The following ECHDC3 variants were observed in gnomAD, a reference collection of about 807,000 sequenced individuals.
The protein encoded by ECHDC3 is enoyl-CoA hydratase domain containing 3, also known as enoyl-CoA hydratase domain-containing protein 3, mitochondrial.
In ECHDC3, 20 loss-of-function variants were observed where a neutral mutation model predicts 17.9. That is an observed-to-expected ratio of 1.12 (90% confidence interval 0.79 to 1.63). The LOEUF (loss-of-function observed/expected upper bound fraction) is 1.63. Ranked by LOEUF, ECHDC3 falls within the 40% of genes most tolerant of loss-of-function variation. The probability of loss-of-function intolerance (pLI) is 0.00; values close to 1 mark genes in which losing one functional copy is unlikely to be tolerated. For synonymous variants in ECHDC3, 177 were observed against 149.7 expected, an observed-to-expected ratio of 1.18 and a Z score of -1.33; for missense variants, 407 against 357.7, an observed-to-expected ratio of 1.14 and a Z score of -1.11.
At chr10:11,758,102 C>T (rs1461444853) in intron 4 of ECHDC3, among the ~76,000 whole-genome samples, 1 of 152,152 alleles carries the variant, frequency 6.6e-6, no homozygotes, top group Non-Finnish European at 1.5e-5. Flanking sequence ...TCACTAGTGC[C>T]CTCTCCTGGC....
chr10:11,757,415 A>G (rs1161778791), intron 4 of ECHDC3, among the ~76,000 whole-genome samples: 1 of 152,222 alleles, frequency 6.6e-6, no homozygotes, highest in Non-Finnish European at 1.5e-5. Context: ...TTAAGTTCCA[A>G]GGAAGCCCAG....
rs554058401 is a variant in ECHDC3, at chr10:11,748,715, AT to A, written c.293-779del. On this transcript the variant is annotated intron_variant, in intron 2 of 4. Coordinates refer to ENST00000379215, the MANE Select transcript of ECHDC3 (RefSeq NM_024693.5). ...AGCCTGGCCAACGTGGCAAAACCCC[AT>A]CTCTACCAAAAATACAAAAATTAGC... Among the ~76,000 whole-genome samples, 269 of 152,248 alleles carry A rather than the reference AT, an allele frequency of 1.8e-3. 2 individuals are homozygous for A. Among genetic ancestry groups the A allele is most frequent in the African/African-American group, 6.4e-3 (267 of 41,556 alleles).
At position 11,760,249 on chromosome 10, in the gene ECHDC3, G is replaced by A. The variant is rs534569618; in HGVS notation, c.592-2975G>A. ...CTGCGGAAGTGAGAGGTGAGAAATG[G>A]CTTGCTCAGAGGTCCCAGGAGGACC... On this transcript the variant is annotated intron_variant, in intron 4 of 4. Transcript: ENST00000379215. Among the ~76,000 whole-genome samples the A allele has an allele frequency of 1.2e-4, 19 of 152,324 alleles. 1 individual carries two copies. The highest frequency in any genetic ancestry group is 5.2e-4 in the Admixed American group (8 of 15,294).
Position 11,742,668 on chromosome 10 carries a change from G to A in ECHDC3, c.92G>A (p.Cys31Tyr). The change falls in exon 1 of 5, where the codon TGC (cysteine) becomes TAC (tyrosine). Residue 31 changes from cysteine (C) to tyrosine (Y), a missense_variant. Transcript: ENST00000379215. ...TGGGCCCAGCTCCCCGCCCGCTTCT[G>A]CAGCCGGGACCCGGCCGGGGCGGGG... is the stretch of plus-strand genomic sequence containing the variant. Reference protein sequence around the residue: ...GPWAQLPARFCSRDPAGAGRR... With the variant: ...GPWAQLPARFYSRDPAGAGRR... 1 of 1,248,886 alleles carries A rather than the reference G, an allele frequency of 8.0e-7. No individual in the cohort carries two copies. The highest frequency in any genetic ancestry group is 1.0e-6 in the Non-Finnish European group (1 of 998,232). The allele number at this position is 1,248,886 out of a possible 1,614,324, so 77.4% of individuals were successfully genotyped here. A position where few individuals can be genotyped will look rare whatever the true frequency, so the allele number is the denominator to read the frequency against.
intron 1 of ECHDC3, among the ~76,000 whole-genome samples, chr10:11,746,362 G>C (rs1832760207): frequency 1.4e-5 from 2 of 145,764 alleles, no homozygotes; most frequent in Non-Finnish European, 3.0e-5. Context: ...AAAAGATGGA[G>C]TGGGTACAGA....
intron 4 of ECHDC3, among the ~76,000 whole-genome samples, chr10:11,757,843 C>T (rs1220358056): frequency 6.6e-6 from 1 of 152,128 alleles, no homozygotes; most frequent in Non-Finnish European, 1.5e-5. Context: ...ATTGTGTGGG[C>T]CTGCTTTAGG....
At chr10:11,756,045 C>T (rs988113437) in intron 4 of ECHDC3, among the ~76,000 whole-genome samples, 3 of 152,212 alleles carry the variant, frequency 2.0e-5, no homozygotes, top group Admixed American at 6.5e-5. Context: ...AGTAGTGTCG[C>T]TGGCTCACTC....
chr10:11,751,894 A>G (rs1410634783), intron 3 of ECHDC3, among the ~76,000 whole-genome samples: 1 of 152,208 alleles, frequency 6.6e-6, no homozygotes, highest in Non-Finnish European at 1.5e-5. Context: ...CTTTGGGGAG[A>G]TAACATGAAA....
chr10:11,748,926 GTTATCAGCT>G (rs1322926799), intron 2 of ECHDC3, among the ~76,000 whole-genome samples: 2 of 152,210 alleles, frequency 1.3e-5, no homozygotes, highest in African/African-American at 4.8e-5. Flanking sequence ...ATGAGAAAAT[GTTATCAGCT>G]CATCAGTAGG....
chr10:11,756,780 G>A (rs775273613), intron 4 of ECHDC3, among the ~76,000 whole-genome samples: 2 of 149,290 alleles, frequency 1.3e-5, no homozygotes, highest in African/African-American at 4.9e-5. Flanking sequence ...ACAGAGTCTC[G>A]CTCTGTCACC....
At chr10:11,759,222 C>T (rs1277782170) in intron 4 of ECHDC3, among the ~76,000 whole-genome samples, 21 of 152,058 alleles carry the variant, frequency 1.4e-4, no homozygotes, top group African/African-American at 4.3e-4. Flanking sequence ...AGTATGGTGG[C>T]GCATGCCTGT....
chr10:11,745,258 AT>A (rs1291470252), intron 1 of ECHDC3, among the ~76,000 whole-genome samples: 1 of 152,164 alleles, frequency 6.6e-6, no homozygotes, highest in Non-Finnish European at 1.5e-5. Flanking sequence ...ACATGAACAG[AT>A]TCCGCGGCGC....
In ECHDC3 at chr10:11,763,966, AG is replaced by A; in HGVS notation, c.*423del. On this transcript the variant is annotated 3_prime_UTR_variant, in exon 5 of 5. Transcript: ENST00000379215. This position sits in a 1 kb window ranked among gnomAD's most constrained non-coding sequence, Gnocchi z 4.9. ...AGGCGACACATTTCAAATCTCCACG[AG>A]ATATTCTCCACACAGAAAATCTTCT... is the stretch of plus-strand genomic sequence containing the variant. 1.0e-6 allele frequency: 1 copy of A among 992,704 alleles called. No homozygotes were observed. Among genetic ancestry groups the A allele is most frequent in the Non-Finnish European group, 1.2e-6 (1 of 834,820 alleles). 61.5% of individuals were successfully genotyped at this position (992,704 alleles called of 1,614,324 possible).
Position 11,763,348 on chromosome 10 carries a change from A to G in ECHDC3, c.716A>G (p.Lys239Arg). Residue 239 changes from lysine to arginine, a missense_variant, in exon 5 of 5, where the codon AAG becomes AGG. Coordinates refer to ENST00000379215, the MANE Select transcript of ECHDC3 (RefSeq NM_024693.5). The surrounding 1 kb of genome is among the most constrained non-coding windows in gnomAD (Gnocchi z 4.9). ...LQEETMRIAR[K>R]IASLSRPVVS... Reference sequence around the variant, plus strand: ...GAGGAGACCATGCGGATCGCTAGGAAGATCGCATCGCTGAGCCGTCCGGTG... The same window carrying G: ...GAGGAGACCATGCGGATCGCTAGGAGGATCGCATCGCTGAGCCGTCCGGTG... 1 of 780,050 alleles carries G rather than the reference A, an allele frequency of 1.3e-6. No homozygotes were observed. Among genetic ancestry groups the G allele is most frequent in the East Asian group, 2.4e-5 (1 of 41,230 alleles). The allele number at this position is 780,050 out of a possible 1,614,324, so 48.3% of individuals were successfully genotyped here. A position where few individuals can be genotyped will look rare whatever the true frequency, so the allele number is the denominator to read the frequency against.
At chr10:11,760,393 C>T (rs1832935123) in intron 4 of ECHDC3, among the ~76,000 whole-genome samples, 1 of 152,350 alleles carries the variant, frequency 6.6e-6, no homozygotes, top group South Asian at 2.1e-4. Context: ...ACACTGCCGG[C>T]CCAGGCTGCA....
intron 3 of ECHDC3, among the ~76,000 whole-genome samples, chr10:11,752,769 G>A (rs78283132): frequency 1.3e-5 from 2 of 152,204 alleles, no homozygotes; most frequent in East Asian, 1.9e-4. Flanking sequence ...AAAATTGAGG[G>A]GTTAAATGAC....
intron 3 of ECHDC3, among the ~76,000 whole-genome samples, chr10:11,752,816 C>T (rs1250541704): frequency 6.6e-6 from 1 of 152,096 alleles, no homozygotes; most frequent in East Asian, 1.9e-4. Flanking sequence ...ACAGACTGGG[C>T]GTCAAACCCT....
intron 3 of ECHDC3, among the ~76,000 whole-genome samples, chr10:11,752,437 T>C (rs932192177): frequency 1.3e-5 from 2 of 151,872 alleles, no homozygotes; most frequent in Non-Finnish European, 2.9e-5. Context: ...GTCTTAATCA[T>C]GAAAGTAATG....
chr10:11,755,342 A>T (rs1588464553), intron 3 of ECHDC3, 66 bp from the exon 4 acceptor site: 2 of 1,200,146 alleles, frequency 1.7e-6, no homozygotes, highest in Non-Finnish European at 2.3e-6. Context: ...AAAAAAAAAA[A>T]AGCAATAGGC....
Sources: gnomAD v4.1 joint callset for allele counts (sites outside exome capture counted in the v4.1 genomes callset) on GRCh38, gnomAD v4.1.1 for gene constraint, Gnocchi (gnomAD v3.1) non-coding constraint, MANE v1.5 for transcripts, NCBI Gene and HGNC (gene_info 2026-07-23, HGNC 2026-07-21) for gene names.